The following CADM2 variants were observed in gnomAD, a reference collection of about 807,000 sequenced individuals.
CADM2 encodes cell adhesion molecule 2.
A neutral mutation model predicts 49.8 loss-of-function variants in CADM2; 12 were observed. That is an observed-to-expected ratio of 0.24 (90% CI 0.15 to 0.39). The LOEUF (loss-of-function observed/expected upper bound fraction) is 0.39, where lower values mean the gene tolerates loss of function less well. Among genes scored for constraint, CADM2 ranks in the 10% least tolerant of loss-of-function variants. The pLI is 1.00. For synonymous variants in CADM2, 214 were observed against 175.4 expected (o/e 1.22, Z -1.74); for missense variants, 378 against 492.3 (o/e 0.77, Z 2.20).
At chr3:85,673,013 T>C (rs2065786882) in intron 1 of CADM2, among the ~76,000 whole-genome samples, 1 of 152,208 alleles carries the variant, frequency 6.6e-6, no homozygotes, top group South Asian at 2.1e-4. Context: ...CTTGCCTGTC[T>C]GTTTATCAAA....
intron 1 of CADM2, among the ~76,000 whole-genome samples, chr3:85,419,782 C>T (rs1345542318): frequency 3.9e-5 from 6 of 151,986 alleles, no homozygotes; most frequent in Admixed American, 3.3e-4. Context: ...AATAATAAAC[C>T]TGCCTTTTTA....
intron 1 of CADM2, among the ~76,000 whole-genome samples, chr3:85,337,497 G>A (rs1016299779): frequency 1.3e-5 from 2 of 151,162 alleles, no homozygotes; most frequent in African/African-American, 4.8e-5. Flanking sequence ...ACAGACTGAA[G>A]GGCATAACTT....
At chr3:85,515,220 C>A (rs2060862740) in intron 1 of CADM2, among the ~76,000 whole-genome samples, 1 of 151,944 alleles carries the variant, frequency 6.6e-6, no homozygotes, top group South Asian at 2.1e-4. Context: ...ATAATGGGAA[C>A]CCCATTTAGG....
At chr3:85,410,420 T>G (rs1277541638) in intron 1 of CADM2, among the ~76,000 whole-genome samples, 1 of 152,210 alleles carries the variant, frequency 6.6e-6, no homozygotes, top group African/African-American at 2.4e-5. Context: ...TTTCCTTTTT[T>G]GTATATTACG....
At chr3:85,854,223 T>C (rs2075218130) in intron 3 of CADM2, among the ~76,000 whole-genome samples, 1 of 152,156 alleles carries the variant, frequency 6.6e-6, no homozygotes, top group Non-Finnish European at 1.5e-5. Flanking sequence ...TAAAAGTGCT[T>C]ATAAAAATAA....
chr3:85,292,895 C>A (rs1038499102), intron 1 of CADM2, among the ~76,000 whole-genome samples: 1 of 151,864 alleles, frequency 6.6e-6, no homozygotes, highest in African/African-American at 2.4e-5. Flanking sequence ...AAAGCAAGAG[C>A]AAACACATTC....
chr3:85,712,972 C>T (rs187230746), intron 1 of CADM2, among the ~76,000 whole-genome samples: 48 of 152,266 alleles, frequency 3.2e-4, no homozygotes, highest in Admixed American at 8.5e-4. Context: ...AGAGAAATGT[C>T]ATGTATACTG....
chr3:85,651,550 G>T (rs956147303), intron 1 of CADM2, among the ~76,000 whole-genome samples: 13 of 151,992 alleles, frequency 8.6e-5, no homozygotes, highest in African/African-American at 3.1e-4. Context: ...AAGACTCAAA[G>T]AAACAGATAT....
chr3:85,307,952 A>C (rs1559771125), intron 1 of CADM2, among the ~76,000 whole-genome samples: 1 of 151,446 alleles, frequency 6.6e-6, no homozygotes, highest in Non-Finnish European at 1.5e-5. Context: ...GAAAAAAAAA[A>C]AAACACAATA....
chr3:85,700,718 G>C (rs1353427129), intron 1 of CADM2, among the ~76,000 whole-genome samples: 1 of 152,120 alleles, frequency 6.6e-6, no homozygotes, highest in Non-Finnish European at 1.5e-5. Flanking sequence ...ATTTACTCCA[G>C]TTCCAAATAA....
intron 1 of CADM2, among the ~76,000 whole-genome samples, chr3:85,069,210 A>T (rs1048771564): frequency 6.6e-6 from 1 of 152,046 alleles, no homozygotes; most frequent in African/African-American, 2.4e-5. Flanking sequence ...TTGATACTGT[A>T]AATTTAAAGT....
intron 1 of CADM2, among the ~76,000 whole-genome samples, chr3:85,073,107 A>G (rs2107478406): frequency 6.6e-6 from 1 of 152,276 alleles, no homozygotes; most frequent in South Asian, 2.1e-4. Flanking sequence ...TGTCCAAATT[A>G]ACTTCTCTGA....
chr3:85,151,132 G>C (rs2039909771), intron 1 of CADM2, among the ~76,000 whole-genome samples: 1 of 152,156 alleles, frequency 6.6e-6, no homozygotes, highest in Non-Finnish European at 1.5e-5. Flanking sequence ...TTCTACGCCT[G>C]GCCTGAGCCT....
intron 1 of CADM2, among the ~76,000 whole-genome samples, chr3:85,592,092 G>C (rs1487723277): frequency 6.6e-6 from 1 of 151,790 alleles, no homozygotes; most frequent in African/African-American, 2.4e-5. Flanking sequence ...TAGTCATCCA[G>C]CAAATGTTTG....
intron 1 of CADM2, among the ~76,000 whole-genome samples, chr3:85,200,922 A>G (rs1360173474): frequency 6.6e-6 from 1 of 152,118 alleles, no homozygotes; most frequent in African/African-American, 2.4e-5. Context: ...ATATGTTATT[A>G]TTAACCATTT....
intron 8 of CADM2, among the ~76,000 whole-genome samples, chr3:86,065,331 G>A (rs1241835778): frequency 6.6e-6 from 1 of 152,142 alleles, no homozygotes; most frequent in Non-Finnish European, 1.5e-5. Flanking sequence ...GGAAGGAAAG[G>A]TCTATAGCTA....
At chr3:85,175,765 A>G (rs1248936900) in intron 1 of CADM2, among the ~76,000 whole-genome samples, 1 of 152,046 alleles carries the variant, frequency 6.6e-6, no homozygotes, top group African/African-American at 2.4e-5. Context: ...TATATATTTT[A>G]CCACAATAAA....
At chr3:85,790,053 T>C (rs1432565349) in intron 2 of CADM2, among the ~76,000 whole-genome samples, 1 of 152,176 alleles carries the variant, frequency 6.6e-6, no homozygotes, top group Non-Finnish European at 1.5e-5. Context: ...GTTTGGGATA[T>C]TGTAAATTAA....
chr3:85,511,671 A>G (rs1247524560), intron 1 of CADM2, among the ~76,000 whole-genome samples: 4 of 152,042 alleles, frequency 2.6e-5, no homozygotes, highest in Middle Eastern at 3.2e-3. Flanking sequence ...TCTTTTGACT[A>G]TGCATTTTTG....
Sources: gnomAD v4.1 joint callset for allele counts (sites outside exome capture counted in the v4.1 genomes callset) on GRCh38, gnomAD v4.1.1 for gene constraint, MANE v1.5 for transcripts, NCBI Gene and HGNC (gene_info 2026-07-23, HGNC 2026-07-21) for gene names.